The following CCDC180 variants were observed in gnomAD, a reference collection of about 807,000 sequenced individuals.
The protein encoded by CCDC180 is coiled-coil domain containing 180, also known as coiled-coil domain-containing protein 180.
A neutral mutation model predicts 209.2 loss-of-function variants in CCDC180; 154 were observed. The observed-to-expected ratio is 0.74, with a 90% confidence interval of 0.65 to 0.84. CCDC180 has a LOEUF of 0.84. Ranked by LOEUF, CCDC180 falls within the 40% of genes least tolerant of loss-of-function variation. The pLI is 0.00. For synonymous variants in CCDC180, 778 were observed against 749.1 expected (o/e 1.04, Z -0.63); for missense variants, 1,874 against 1,997.3 (o/e 0.94, Z 1.18).
In CCDC180 at chr9:97,356,774, A is replaced by G. The variant is rs573275387; in HGVS notation, c.3265-853A>G. Among the ~76,000 whole-genome samples, 4 of 152,374 alleles carry G rather than the reference A, an allele frequency of 2.6e-5. No homozygotes were observed. In the South Asian group the frequency reaches 8.3e-4, roughly 32 times the overall value. ...ATATCTAACACCTGTGATAAACAAA[A>G]TACATTTCCATCATGGACAATACTG... On this transcript the variant is annotated intron_variant, in intron 24 of 36. Transcript: ENST00000529487.
In CCDC180 at chr9:97,355,289, G is replaced by A. The variant is rs138218060; in HGVS notation, c.3264+281G>A. ...CCAGCCTCAGTCCCACAAGTAGCTGGGACTATAGGCACACGCCACCATGCC... is the reference window on the plus strand; with the variant it reads ...CCAGCCTCAGTCCCACAAGTAGCTGAGACTATAGGCACACGCCACCATGCC... On this transcript the variant is annotated intron_variant, in intron 24 of 36. Coordinates refer to ENST00000529487, the MANE Select transcript of CCDC180 (RefSeq NM_020893.6). Among the ~76,000 whole-genome samples, 905 of 152,078 alleles carry A rather than the reference G, an allele frequency of 6.0e-3. 11 individuals are homozygous for A. The highest frequency in any genetic ancestry group is 0.021 in the African/African-American group (863 of 41,490).
At position 97,308,004 on chromosome 9, in the gene CCDC180, A is replaced by C. The variant is rs1396920256; in HGVS notation, c.-60A>C. The C allele has an allele frequency of 1.2e-6, 2 of 1,603,364 alleles. No homozygotes were observed. The highest frequency in any genetic ancestry group is 1.7e-5 in the Admixed American group (1 of 58,088). On this transcript the variant is annotated 5_prime_UTR_variant, in exon 2 of 37. Coordinates refer to ENST00000529487, the MANE Select transcript of CCDC180 (RefSeq NM_020893.6). ...TCAGGAATTGGAATTGAGACACCAAAGCCTAGACGCGTTTCCTGGACGACG... is the reference window on the plus strand; with the variant it reads ...TCAGGAATTGGAATTGAGACACCAACGCCTAGACGCGTTTCCTGGACGACG...
intron 15 of CCDC180, among the ~76,000 whole-genome samples, chr9:97,327,246 A>AT (rs989534639): frequency 7.9e-5 from 12 of 152,176 alleles, no homozygotes; most frequent in Admixed American, 7.2e-4. Flanking sequence ...ACATATAGAG[A>AT]TTTTTTTCCC....
intron 15 of CCDC180, 148 bp downstream of exon 15, chr9:97,326,817 C>G: frequency 1.7e-6 from 1 of 583,510 alleles, no homozygotes; most frequent in Non-Finnish European, 3.1e-6. Flanking sequence ...CCCTCTGCAG[C>G]TCTACTCTCA....
chr9:97,362,592 G>A (rs1319076737), intron 28 of CCDC180, 151 bp downstream of exon 28: 5 of 1,163,734 alleles, frequency 4.3e-6, no homozygotes, highest in South Asian at 1.6e-5. Flanking sequence ...AGGGGTGAGC[G>A]CCATCCTTAG....
chr9:97,348,123 G>A lies in CCDC180; in HGVS notation c.2674+634G>A, dbSNP rs866964292. 7.4e-5 allele frequency among the ~76,000 whole-genome samples: 11 copies of A among 149,412 alleles called. No homozygotes were observed. In the South Asian group the frequency reaches 1.1e-3, roughly 15 times the overall value. The stretch of plus-strand genomic sequence containing the variant: ...GTGGACTCTGTTAATGCGGGGCGGG[G>A]GGGGGGCATGTTTTCAGTAGGATCC... On this transcript the variant is annotated intron_variant, in intron 20 of 36. Transcript: ENST00000529487.
chr9:97,326,596 C>T lies in CCDC180; in HGVS notation c.1588C>T (p.Gln530Ter). ...HLDRLLDQLR[Q>*]QSDKETLAFH... ...CGATAGGCTCTTGGACCAACTGAGG[C>T]AGCAAAGTGACAAAGAAACACTGGC... is the stretch of plus-strand genomic sequence containing the variant. The change falls in exon 15 of 37, where the codon CAG (glutamine) becomes TAG (stop). Residue 530 changes from glutamine to a stop codon, truncating the protein, a stop_gained. Transcript: ENST00000529487. LOFTEE classifies it high-confidence loss of function. The T allele has an allele frequency of 1.2e-6, 2 of 1,613,888 alleles. No homozygotes were observed. Among genetic ancestry groups the T allele is most frequent in the South Asian group, 1.1e-5 (1 of 91,068 alleles).
At chr9:97,328,295 C>G in intron 16 of CCDC180, 149 bp downstream of exon 16, 1 of 873,210 alleles carries the variant, frequency 1.1e-6, no homozygotes, top group South Asian at 2.0e-5. Flanking sequence ...GAAAGTGTCT[C>G]TAAAGAGACC....
chr9:97,361,598 T>G, intron 26 of CCDC180, 128 bp from the exon 27 acceptor site: 1 of 782,496 alleles, frequency 1.3e-6, no homozygotes, highest in Non-Finnish European at 2.0e-6. Flanking sequence ...AGTGGCTCAA[T>G]GAGGTCAGCT....
rs1826545971 is a variant in CCDC180 at position 97,355,282 on chromosome 9, G to A, written c.3264+274G>A. Among the ~76,000 whole-genome samples, 6 of 151,966 alleles carry A rather than the reference G, an allele frequency of 3.9e-5. No homozygotes were observed. In the South Asian group the frequency reaches 8.3e-4, roughly 21 times the overall value. The stretch of plus-strand genomic sequence containing the variant: ...AGATCCTCCAGCCTCAGTCCCACAA[G>A]TAGCTGGGACTATAGGCACACGCCA... On this transcript the variant is annotated intron_variant, in intron 24 of 36. Transcript: ENST00000529487.
chr9:97,339,756 C>T (rs1826021711), intron 18 of CCDC180, among the ~76,000 whole-genome samples: 2 of 152,328 alleles, frequency 1.3e-5, no homozygotes, highest in Middle Eastern at 3.4e-3. Context: ...AGAGTGTTTT[C>T]CAGCTTGGTT....
At chr9:97,309,983 G>A (rs1365823158) in intron 3 of CCDC180, among the ~76,000 whole-genome samples, 5 of 152,198 alleles carry the variant, frequency 3.3e-5, no homozygotes, top group Non-Finnish European at 7.3e-5. Flanking sequence ...GAAACCAGAG[G>A]GTGCAGTATG....
rs771915615 is a variant in CCDC180, at chr9:97,370,726, A to G, written c.4436A>G (p.Glu1479Gly). The change falls in exon 33 of 37, where the codon GAA becomes GGA. Residue 1479 changes from glutamate to glycine, a missense_variant. Glu to Gly is a moderately conservative substitution (Grantham distance 98). Coordinates refer to ENST00000529487, the MANE Select transcript of CCDC180 (RefSeq NM_020893.6). ...GAGTCTCTACACTTAAGTGAAGAGG[A>G]AAGGCAGGAAGAGCTGGACAGCATG... ...EMESLHLSEEERQEELDSMIR... is the reference protein window; with the variant it reads ...EMESLHLSEEGRQEELDSMIR... The G allele has an allele frequency of 6.2e-6, 10 of 1,614,130 alleles. No homozygotes were observed. Among genetic ancestry groups the G allele is most frequent in the Non-Finnish European group, 8.5e-6 (10 of 1,179,988 alleles).
In CCDC180 at chr9:97,343,536, C is replaced by G. The variant is rs142232886; in HGVS notation, c.2471C>G (p.Ser824Trp). 2.5e-6 allele frequency: 4 copies of G among 1,612,478 alleles called. No individual in the cohort carries two copies. Among genetic ancestry groups the G allele is most frequent in the Non-Finnish European group, 3.4e-6 (4 of 1,179,222 alleles). Residue 824 changes from serine to tryptophan, a missense_variant, in exon 19 of 37, where the codon TCG (serine) becomes TGG (tryptophan). By Grantham distance (177) the Ser-to-Trp change is radical. Transcript: ENST00000529487. The stretch of plus-strand genomic sequence containing the variant: ...TTCATAGAACAAGTGACAATTCCAT[C>G]GAGACTAATTTTAGAAATTAAGAAA... ...AKFIEQVTIPSRLILEIKKQL... is the reference protein window; with the variant it reads ...AKFIEQVTIPWRLILEIKKQL...
chr9:97,343,600 C>A, intron 19 of CCDC180, 37 bp downstream of exon 19: 5 of 1,388,822 alleles, frequency 3.6e-6, no homozygotes, highest in South Asian at 2.5e-5. Context: ...TCCTGTTGTT[C>A]TGAGTTTTGT....
Position 97,307,777 on chromosome 9 carries a change from C to T in CCDC180, c.-111C>T. ...CGCCATGCGCGGCGGGGAGAACCGGCCTCCTGCTCGAGTTCAGAGCTCATC... is the reference window on the plus strand; with the variant it reads ...CGCCATGCGCGGCGGGGAGAACCGGTCTCCTGCTCGAGTTCAGAGCTCATC... On this transcript the variant is annotated 5_prime_UTR_variant, in exon 1 of 37. Coordinates refer to ENST00000529487, the MANE Select transcript of CCDC180 (RefSeq NM_020893.6). The T allele has an allele frequency of 6.2e-7, 1 of 1,614,228 alleles. No individual in the cohort carries two copies. The highest frequency in any genetic ancestry group is 8.5e-7 in the Non-Finnish European group (1 of 1,180,024).
At position 97,350,489 on chromosome 9, in the gene CCDC180, G is replaced by A. The variant is rs918818724; in HGVS notation, c.2936G>A (p.Arg979Gln). 89 of 1,536,286 alleles carry A rather than the reference G, an allele frequency of 5.8e-5. No homozygotes were observed. Among genetic ancestry groups the A allele is most frequent in the Admixed American group, 1.6e-4 (8 of 50,980 alleles). The change falls in exon 22 of 37, where the codon CGG (arginine) becomes CAG (glutamine). Residue 979 changes from arginine to glutamine, a missense_variant. Coordinates refer to ENST00000529487, the MANE Select transcript of CCDC180 (RefSeq NM_020893.6). ...ACCCAGGTGTCCCTGCGCAGCTTCC[G>A]GCAGTACTTGGAGGAGAGTCTGGGC... ...DVTQVSLRSF[R>Q]QYLEESLGKL... is the part of the protein sequence containing the mutation.
intron 18 of CCDC180, among the ~76,000 whole-genome samples, chr9:97,332,964 C>T (rs1375794009): frequency 6.6e-6 from 1 of 152,112 alleles, no homozygotes; most frequent in East Asian, 1.9e-4. Flanking sequence ...AAGGGGAATG[C>T]TTCCATCTTT....
chr9:97,322,767 G>T, intron 11 of CCDC180, 66 bp from the exon 12 acceptor site: 1 of 1,416,310 alleles, frequency 7.1e-7, no homozygotes. Context: ...CTTTGCAAAG[G>T]GGACACTCCC....
Sources: allele counts gnomAD v4.1 joint callset (sites outside exome capture counted in the v4.1 genomes callset), GRCh38; gene constraint gnomAD v4.1.1; transcripts MANE v1.5; gene names NCBI Gene and HGNC (gene_info 2026-07-23, HGNC 2026-07-21).